Variants in SH3D19 observed in about 807,000 individuals in gnomAD.
SH3D19 encodes the protein SH3 domain containing 19, also known as SH3 domain-containing protein 19.
A neutral mutation model predicts 112.1 loss-of-function variants in SH3D19; 58 were observed. That is an observed-to-expected ratio of 0.52 (90% CI 0.42 to 0.64). SH3D19 has a LOEUF of 0.64. Ranked by LOEUF, SH3D19 falls within the 30% of genes least tolerant of loss-of-function variation. The probability of loss-of-function intolerance (pLI) is 0.00; values close to 1 mark genes in which losing one functional copy is unlikely to be tolerated. For synonymous variants in SH3D19, 391 were observed against 448.5 expected (o/e 0.87, Z 1.62); for missense variants, 1,090 against 1,263.4 (o/e 0.86, Z 2.08).
chr4:151,285,400 A>C (rs1246959139), intron 1 of SH3D19, among the ~76,000 whole-genome samples: 4 of 152,228 alleles, frequency 2.6e-5, no homozygotes, highest in Non-Finnish European at 5.9e-5. Flanking sequence ...AAATTATACA[A>C]ATTATATTTT....
intron 1 of SH3D19, among the ~76,000 whole-genome samples, chr4:151,315,482 T>C (rs1455903259): frequency 1.3e-5 from 2 of 152,200 alleles, no homozygotes; most frequent in Non-Finnish European, 2.9e-5. Flanking sequence ...ATCAGACAAA[T>C]GTATTTCATG....
chr4:151,216,910 T>TGC (rs974023696), intron 2 of SH3D19, among the ~76,000 whole-genome samples: 1 of 151,354 alleles, frequency 6.6e-6, no homozygotes, highest in Non-Finnish European at 1.5e-5. Flanking sequence ...TGTGTGTGTG[T>TGC]GTGTGTGTGT....
intron 2 of SH3D19, among the ~76,000 whole-genome samples, chr4:151,206,106 G>A (rs1337051458): frequency 6.6e-6 from 1 of 152,148 alleles, no homozygotes; most frequent in Admixed American, 6.5e-5. Flanking sequence ...TCCCATGGCT[G>A]GAAGAGTTAA....
At chr4:151,233,253 G>A (rs767506837) in intron 1 of SH3D19, among the ~76,000 whole-genome samples, 20 of 151,692 alleles carry the variant, frequency 1.3e-4, no homozygotes, top group Non-Finnish European at 2.8e-4. Flanking sequence ...ATATTATAAT[G>A]TAATAATAAT....
chr4:151,147,234 C>T (rs566871961), intron 11 of SH3D19, among the ~76,000 whole-genome samples: 2 of 152,000 alleles, frequency 1.3e-5, no homozygotes, highest in African/African-American at 4.8e-5. Context: ...TCACTGCACT[C>T]GAGTCTGGGT....
chr4:151,243,677 G>A (rs957345337), intron 1 of SH3D19, among the ~76,000 whole-genome samples: 2 of 152,214 alleles, frequency 1.3e-5, no homozygotes, highest in Non-Finnish European at 2.9e-5. Flanking sequence ...AACAGACCAT[G>A]AGACACTAGA....
intron 2 of SH3D19, among the ~76,000 whole-genome samples, chr4:151,222,655 G>T (rs1768259029): frequency 1.1e-5 from 1 of 93,058 alleles, no homozygotes; most frequent in South Asian, 3.6e-4. Context: ...TATCTCTTTG[G>T]TCTCTCTCTC....
At chr4:151,303,708 C>A (rs1728667238) in intron 1 of SH3D19, among the ~76,000 whole-genome samples, 1 of 152,050 alleles carries the variant, frequency 6.6e-6, no homozygotes, top group South Asian at 2.1e-4. Flanking sequence ...TTCCCCTGGC[C>A]AGATATCCCT....
chr4:151,275,186 AC>A (rs781596790), intron 1 of SH3D19, among the ~76,000 whole-genome samples: 6 of 151,332 alleles, frequency 4.0e-5, no homozygotes, highest in Non-Finnish European at 7.4e-5. Flanking sequence ...TCCAGGGTTC[AC>A]GCCATTCTCC....
At chr4:151,236,171 G>A (rs1014308566) in intron 1 of SH3D19, among the ~76,000 whole-genome samples, 8 of 152,266 alleles carry the variant, frequency 5.3e-5, no homozygotes, top group Non-Finnish European at 1.0e-4. Flanking sequence ...TCAGCCTGCC[G>A]CTGCGCTGTG....
rs1051939779 is a variant in SH3D19, at chr4:151,325,368, C to G, written c.-16G>C. 3.4e-6 allele frequency: 4 copies of G among 1,190,208 alleles called. No individual in the cohort carries two copies. The African/African-American group carries it at 6.4e-5, about 19-fold the overall frequency. The allele number at this position is 1,190,208 out of a possible 1,614,324, so 73.7% of individuals were successfully genotyped here. A position where few individuals can be genotyped will look rare whatever the true frequency, so the allele number is the denominator to read the frequency against. On this transcript the variant is annotated 5_prime_UTR_variant, in exon 1 of 20. Coordinates refer to ENST00000604030, the MANE Select transcript of SH3D19 (RefSeq NM_001378122.1). ...CCTCAGCCATGGGCGAGGCGCGGGG[C>G]GCAGCCGCGGGATGGCCAGCGAGCT...
intron 1 of SH3D19, chr4:151,283,360 A>AT (rs1774432351): frequency 1.4e-6 from 2 of 1,382,862 alleles, no homozygotes; most frequent in Non-Finnish European, 1.0e-6. Flanking sequence ...CTATCTGTAA[A>AT]TAACAGTGGA....
intron 3 of SH3D19, among the ~76,000 whole-genome samples, chr4:151,183,671 T>C (rs1761294679): frequency 6.6e-6 from 1 of 152,196 alleles, no homozygotes; most frequent in South Asian, 2.1e-4. Context: ...GGATTATTAA[T>C]TATAAATACC....
rs1769895403 is a variant in SH3D19, at chr4:151,234,745, T to TTTTG, written c.113-8660_113-8659insCAAA. On this transcript the variant is annotated intron_variant, in intron 1 of 19. Coordinates refer to ENST00000604030, the MANE Select transcript of SH3D19 (RefSeq NM_001378122.1). ...TCTTTCCAAGTTTGTGTTTTTTTTT[T>TTTTG]TTTTTTTTTTTTTTTTTTTTTAGAC... Among the ~76,000 whole-genome samples, 2 of 123,048 alleles carry TTTTG rather than the reference T, an allele frequency of 1.6e-5. 1 individual carries two copies. The highest frequency in any genetic ancestry group is 6.6e-5 in the African/African-American group (2 of 30,214). The allele number at this position is 123,048 out of a possible 152,430, so 80.7% of individuals were successfully genotyped here.
intron 2 of SH3D19, among the ~76,000 whole-genome samples, chr4:151,190,871 A>G (rs1171896512): frequency 6.6e-6 from 1 of 152,184 alleles, no homozygotes; most frequent in Non-Finnish European, 1.5e-5. Flanking sequence ...AGACCCCAGA[A>G]CAGTAGATCC....
At position 151,127,629 on chromosome 4, in the gene SH3D19, G is replaced by T; in HGVS notation, c.3016C>A (p.Leu1006Ile). 6.3e-7 allele frequency: 1 copy of T among 1,597,946 alleles called. No individual in the cohort carries two copies. The highest frequency in any genetic ancestry group is 8.5e-7 in the Non-Finnish European group (1 of 1,172,948). ...ATACACATTCTGACCTTGAAGGAAA[G>T]TTCATCTTCATTCTCCCCTCGGAAA... Reference protein sequence around the residue: ...YDFRGENEDELSFKAGDIITE... With the variant: ...YDFRGENEDEISFKAGDIITE... Residue 1006 changes from leucine to isoleucine, a missense_variant, in exon 19 of 20, where the codon CTT becomes ATT. Physicochemically the swap from Leu to Ile is conservative, Grantham distance 5. Transcript: ENST00000604030.
chr4:151,291,276 C>A (rs575033863), intron 1 of SH3D19: 1 of 1,614,004 alleles, frequency 6.2e-7, no homozygotes, highest in East Asian at 2.2e-5. Flanking sequence ...CAAGAGCCAA[C>A]AATCTAGACT....
At chr4:151,249,415 G>T (rs568833827) in intron 1 of SH3D19, among the ~76,000 whole-genome samples, 2 of 152,252 alleles carry the variant, frequency 1.3e-5, no homozygotes, top group Admixed American at 1.3e-4. Context: ...ATTCTGTATA[G>T]AATTAGCACG....
intron 2 of SH3D19, among the ~76,000 whole-genome samples, chr4:151,222,495 C>T (rs913161932): frequency 5.9e-5 from 9 of 152,038 alleles, no homozygotes; most frequent in African/African-American, 2.2e-4. Context: ...AATAACATTT[C>T]TATTCTACAC....
Sources: allele counts gnomAD v4.1 joint callset (sites outside exome capture counted in the v4.1 genomes callset), GRCh38; gene constraint gnomAD v4.1.1; transcripts MANE v1.5; gene names NCBI Gene and HGNC (gene_info 2026-07-23, HGNC 2026-07-21).